NNMT: variants seen among roughly 807,000 people sequenced by gnomAD.
NNMT encodes the protein nicotinamide N-methyltransferase.
NNMT carries 10 observed loss-of-function variants against 11.7 expected under a neutral mutation model. The observed-to-expected ratio is 0.85, with a 90% CI of 0.53 to 1.45. NNMT has a LOEUF of 1.45. Among genes scored for constraint, NNMT ranks in the 40% most tolerant of loss-of-function variants. The pLI is 0.00. For synonymous variants in NNMT, 143 were observed against 133.8 expected (o/e 1.07, Z -0.48); for missense variants, 381 against 319.4 (o/e 1.19, Z -1.47).
chr11:114,296,717 C>T lies in NNMT; in HGVS notation c.154+7C>T. 6.2e-7 allele frequency: 1 copy of T among 1,613,886 alleles called. No individual in the cohort carries two copies. Among genetic ancestry groups the T allele is most frequent in the Non-Finnish European group, 8.5e-7 (1 of 1,179,848 alleles). On this transcript the variant is annotated splice_region_variant and intron_variant, in intron 1 of 2. Coordinates refer to ENST00000299964, the MANE Select transcript of NNMT (RefSeq NM_006169.3). Reference sequence around the variant, plus strand: ...TTCAAGATATTCTGCCTAGGTAAGTCTGTTGTCTGCATGTCTCCCCACTAA... The same window carrying T: ...TTCAAGATATTCTGCCTAGGTAAGTTTGTTGTCTGCATGTCTCCCCACTAA...
intron 2 of NNMT, among the ~76,000 whole-genome samples, chr11:114,279,254 A>G (rs1314911415): frequency 6.6e-6 from 1 of 152,140 alleles, no homozygotes; most frequent in Non-Finnish European, 1.5e-5. Context: ...TTATTAAAAA[A>G]CACACAGCGT....
intron 2 of NNMT, among the ~76,000 whole-genome samples, chr11:114,273,762 C>T (rs147599014): frequency 9.7e-4 from 147 of 152,270 alleles, no homozygotes; most frequent in African/African-American, 3.2e-3. Flanking sequence ...ATCACTTGAG[C>T]TCAGGAGTCG....
At chr11:114,297,017 T>G (rs1945387519) in intron 1 of NNMT, among the ~76,000 whole-genome samples, 1 of 152,212 alleles carries the variant, frequency 6.6e-6, no homozygotes, top group African/African-American at 2.4e-5. Flanking sequence ...AAGTGGAAAT[T>G]CTAAAACAGT....
intron 2 of NNMT, among the ~76,000 whole-genome samples, chr11:114,305,705 T>C (rs990432503): frequency 7.8e-4 from 118 of 152,216 alleles, no homozygotes; most frequent in African/African-American, 2.7e-3. Flanking sequence ...TGCATAGTAT[T>C]CCATGGTGTA....
At chr11:114,274,555 A>C (rs1945200480) in intron 2 of NNMT, among the ~76,000 whole-genome samples, 1 of 152,204 alleles carries the variant, frequency 6.6e-6, no homozygotes, top group Non-Finnish European at 1.5e-5. Context: ...TGGCTCTCTG[A>C]ACTAAGAATT....
chr11:114,268,768 C>CA (rs34012236), intron 2 of NNMT, among the ~76,000 whole-genome samples: 25,568 of 67,678 alleles, frequency 0.38, 3,739 homozygotes, highest in East Asian at 0.56. Flanking sequence ...GACTCCGTCT[C>CA]AAAAAAAAAA....
At chr11:114,271,016 A>T (rs1945164990) in intron 2 of NNMT, among the ~76,000 whole-genome samples, 1 of 152,102 alleles carries the variant, frequency 6.6e-6, no homozygotes, top group South Asian at 2.1e-4. Flanking sequence ...ACCTCAAGTG[A>T]TCCACCTGCC....
intron 1 of NNMT, chr11:114,257,961 A>T (rs1285461708): frequency 6.6e-6 from 1 of 152,170 alleles, no homozygotes; most frequent in African/African-American, 2.4e-5. Context: ...CCCAGATATG[A>T]TCTCATGGAG....
chr11:114,309,785 C>T (rs929914906), intron 2 of NNMT, among the ~76,000 whole-genome samples: 3 of 152,184 alleles, frequency 2.0e-5, no homozygotes, highest in African/African-American at 4.8e-5. Context: ...TCCCATTTCT[C>T]TCCAAATCCC....
chr11:114,259,738 GC>G (rs1383728918), intron 1 of NNMT, among the ~76,000 whole-genome samples: 10 of 152,302 alleles, frequency 6.6e-5, no homozygotes, highest in Admixed American at 5.9e-4. Flanking sequence ...CCGCCCTGCA[GC>G]CCCCTGCAGC....
chr11:114,312,370 T>C lies in NNMT; in HGVS notation c.688T>C (p.Tyr230His), dbSNP rs776110317. Residue 230 changes from tyrosine to histidine, a missense_variant, in exon 3 of 3, where the codon TAC becomes CAC. Coordinates refer to ENST00000299964, the MANE Select transcript of NNMT (RefSeq NM_006169.3). The part of the protein sequence containing the change: ...AVEAAVKEAG[Y>H]TIEWFEVISQ... The stretch of plus-strand genomic sequence containing the variant: ...AGAGGCTGCTGTGAAAGAGGCTGGC[T>C]ACACAATCGAATGGTTTGAGGTGAT... 8 of 1,614,140 alleles carry C rather than the reference T, an allele frequency of 5.0e-6. No individual in the cohort carries two copies. The Admixed American group carries it at 1.2e-4, about 24-fold the overall frequency.
intron 2 of NNMT, among the ~76,000 whole-genome samples, chr11:114,282,078 G>T (rs1290767487): frequency 1.3e-5 from 2 of 152,038 alleles, no homozygotes; most frequent in Non-Finnish European, 2.9e-5. Flanking sequence ...AATTAAAAAC[G>T]CCAGGCATGG....
rs138158952 is a variant in NNMT, at chr11:114,276,977, A to T, written c.-130+14043A>T. Reference sequence around the variant, plus strand: ...AGTGGCTCACGCCTGTAATCCCAACACTTTGAGAGGCTGAGGCGGGTGGAT... The same window carrying T: ...AGTGGCTCACGCCTGTAATCCCAACTCTTTGAGAGGCTGAGGCGGGTGGAT... On this transcript the variant is annotated intron_variant, in intron 2 of 4. Coordinates refer to the NNMT transcript ENST00000535401. 3.0e-3 allele frequency among the ~76,000 whole-genome samples: 460 copies of T among 152,252 alleles called. 5 individuals are homozygous for T. The highest frequency in any genetic ancestry group is 0.01 in the African/African-American group (429 of 41,554).
At chr11:114,269,676 G>A (rs1049239799) in intron 2 of NNMT, among the ~76,000 whole-genome samples, 9 of 152,060 alleles carry the variant, frequency 5.9e-5, no homozygotes, top group African/African-American at 2.2e-4. Context: ...TCACAGCCAA[G>A]CTTTCAGAGG....
chr11:114,306,956 A>T (rs1011775776), intron 2 of NNMT, among the ~76,000 whole-genome samples: 12 of 152,202 alleles, frequency 7.9e-5, no homozygotes, highest in Non-Finnish European at 2.9e-5. Flanking sequence ...AAACTAGTGA[A>T]CCACTTCTAT....
intron 2 of NNMT, among the ~76,000 whole-genome samples, chr11:114,264,464 C>A (rs1160211694): frequency 6.6e-6 from 1 of 152,190 alleles, no homozygotes; most frequent in African/African-American, 2.4e-5. Context: ...TCCTGCCACC[C>A]TCTCACAACA....
At chr11:114,275,801 G>A (rs141371979) in intron 2 of NNMT, among the ~76,000 whole-genome samples, 1 of 152,234 alleles carries the variant, frequency 6.6e-6, no homozygotes, top group African/African-American at 2.4e-5. Flanking sequence ...TATCCTGTGA[G>A]TTGTGTATAT....
chr11:114,258,351 C>T (rs1945047450), intron 1 of NNMT, among the ~76,000 whole-genome samples: 1 of 152,248 alleles, frequency 6.6e-6, no homozygotes, highest in Admixed American at 6.5e-5. Context: ...AGGAACTCCT[C>T]TCCTGACCAA....
At chr11:114,284,652 C>CG (rs1181367352) in intron 2 of NNMT, among the ~76,000 whole-genome samples, 3 of 151,100 alleles carry the variant, frequency 2.0e-5, no homozygotes, top group African/African-American at 7.3e-5. Flanking sequence ...TTAGTAGAGA[C>CG]GGGGTTTCAC....
Sources: gnomAD v4.1 joint callset for allele counts (sites outside exome capture counted in the v4.1 genomes callset) on GRCh38, gnomAD v4.1.1 for gene constraint, MANE v1.5 for transcripts, NCBI Gene and HGNC (gene_info 2026-07-23, HGNC 2026-07-21) for gene names.